PLCL1: variants seen among roughly 807,000 people sequenced by gnomAD.
PLCL1 encodes inactive phospholipase C-like protein 1.
In PLCL1, 41 loss-of-function variants were observed where a neutral mutation model predicts 84.4. That is an observed-to-expected ratio of 0.49 (90% confidence interval 0.38 to 0.63). The LOEUF is 0.63. Among genes scored for constraint, PLCL1 ranks in the 30% least tolerant of loss-of-function variants. PLCL1 has a pLI of 0.00. For synonymous variants in PLCL1, 490 were observed against 488.3 expected (o/e 1.00, Z -0.05); for missense variants, 1,206 against 1,367.8 (o/e 0.88, Z 1.87).
intron 5 of PLCL1, among the ~76,000 whole-genome samples, chr2:198,108,616 T>A (rs1693545615): frequency 6.6e-6 from 1 of 151,698 alleles, no homozygotes; most frequent in Non-Finnish European, 1.5e-5. Context: ...GAGAAAAAAA[T>A]TGCAGAAAGA....
intron 1 of PLCL1, among the ~76,000 whole-genome samples, chr2:198,004,528 G>A (rs1179691111): frequency 2.0e-5 from 3 of 152,074 alleles, no homozygotes; most frequent in Non-Finnish European, 4.4e-5. Context: ...TCCAAGTCAA[G>A]TTCGTGATGT....
intron 1 of PLCL1, among the ~76,000 whole-genome samples, chr2:197,996,971 G>A (rs973105622): frequency 6.6e-6 from 1 of 152,192 alleles, no homozygotes; most frequent in African/African-American, 2.4e-5. Flanking sequence ...GCTTGGACAA[G>A]TGTTGAGGGT....
intron 1 of PLCL1, among the ~76,000 whole-genome samples, chr2:198,061,322 C>T (rs1692194597): frequency 6.6e-6 from 1 of 152,102 alleles, no homozygotes; most frequent in Non-Finnish European, 1.5e-5. Flanking sequence ...TCTATTGTTT[C>T]TTGAACACTA....
At chr2:197,982,448 C>G (rs905931463) in intron 1 of PLCL1, among the ~76,000 whole-genome samples, 4 of 152,076 alleles carry the variant, frequency 2.6e-5, no homozygotes, top group Non-Finnish European at 5.9e-5. Flanking sequence ...CCTCCTCATG[C>G]TTTCTAAGAA....
intron 1 of PLCL1, among the ~76,000 whole-genome samples, chr2:197,821,535 C>A (rs1350907319): frequency 1.3e-5 from 2 of 152,074 alleles, no homozygotes; most frequent in African/African-American, 4.8e-5. Context: ...TCTTTTTGGG[C>A]CACCCCTTAA....
chr2:198,113,822 C>A (rs1393194051), intron 5 of PLCL1, among the ~76,000 whole-genome samples: 2 of 151,808 alleles, frequency 1.3e-5, no homozygotes, highest in African/African-American at 4.8e-5. Context: ...GTTATTATAT[C>A]AAATCTGGCC....
At chr2:198,094,800 G>T (rs1230770954) in intron 3 of PLCL1, among the ~76,000 whole-genome samples, 1 of 152,098 alleles carries the variant, frequency 6.6e-6, no homozygotes, top group African/African-American at 2.4e-5. Context: ...TCAAAGAATT[G>T]CAATTTGCTT....
intron 1 of PLCL1, among the ~76,000 whole-genome samples, chr2:198,036,060 T>C (rs1459624684): frequency 6.6e-6 from 1 of 152,306 alleles, no homozygotes; most frequent in East Asian, 1.9e-4. Context: ...GTATGTAGTA[T>C]GATTGATTGA....
chr2:197,850,031 G>GAC (rs5837563), intron 1 of PLCL1, among the ~76,000 whole-genome samples: 9,747 of 134,916 alleles, frequency 0.072, 337 homozygotes, highest in Admixed American at 0.092. Context: ...GACACACACA[G>GAC]ACACACACAC....
chr2:198,063,112 T>G (rs1403623911), intron 1 of PLCL1, among the ~76,000 whole-genome samples: 1 of 152,174 alleles, frequency 6.6e-6, no homozygotes, highest in Non-Finnish European at 1.5e-5. Context: ...TAGCTGGAAA[T>G]TTTTTAGTAT....
At chr2:198,004,050 T>A (rs923625288) in intron 1 of PLCL1, among the ~76,000 whole-genome samples, 1 of 152,224 alleles carries the variant, frequency 6.6e-6, no homozygotes, top group Admixed American at 6.5e-5. Flanking sequence ...AATTAAAAAC[T>A]GAAAGTAAAC....
intron 1 of PLCL1, among the ~76,000 whole-genome samples, chr2:198,004,805 C>T (rs78916759): frequency 0.023 from 3,469 of 152,164 alleles, 134 homozygotes; most frequent in African/African-American, 0.079. Flanking sequence ...TCAGGATAAA[C>T]GCCTCCTGCA....
intron 1 of PLCL1, among the ~76,000 whole-genome samples, chr2:198,043,673 G>T (rs1333781901): frequency 6.6e-6 from 1 of 152,276 alleles, no homozygotes. Flanking sequence ...AGAGGGAGGA[G>T]AAATCTAGTG....
chr2:197,867,316 C>T (rs1049276358), intron 1 of PLCL1, among the ~76,000 whole-genome samples: 20 of 152,008 alleles, frequency 1.3e-4, no homozygotes, highest in Non-Finnish European at 1.2e-4. Flanking sequence ...GATTAATGGG[C>T]TACTGTGCTG....
intron 1 of PLCL1, among the ~76,000 whole-genome samples, chr2:198,053,317 G>A (rs1296298657): frequency 6.6e-6 from 1 of 152,182 alleles, no homozygotes; most frequent in African/African-American, 2.4e-5. Flanking sequence ...TTCCCAGCTG[G>A]GTTTAGCCAA....
chr2:197,888,107 A>C (rs1687954045), intron 1 of PLCL1, among the ~76,000 whole-genome samples: 1 of 151,882 alleles, frequency 6.6e-6, no homozygotes. Context: ...AAAAGGAAAA[A>C]ATCTTATTTT....
chr2:197,896,525 T>C (rs1387570498), intron 1 of PLCL1, among the ~76,000 whole-genome samples: 1 of 152,016 alleles, frequency 6.6e-6, no homozygotes, highest in Non-Finnish European at 1.5e-5. Context: ...AGCATATGAC[T>C]CTAAAAGATA....
chr2:198,060,355 G>A (rs1195022865), intron 1 of PLCL1, among the ~76,000 whole-genome samples: 3 of 152,192 alleles, frequency 2.0e-5, no homozygotes, highest in African/African-American at 7.2e-5. Context: ...GTGAGTTGAA[G>A]TTGTCTCTGT....
intron 1 of PLCL1, among the ~76,000 whole-genome samples, chr2:197,852,458 A>G (rs769399579): frequency 1.3e-5 from 2 of 152,330 alleles, no homozygotes; most frequent in Non-Finnish European, 2.9e-5. Context: ...TTAAAAAGAG[A>G]TAGGAAGCAC....
Sources: allele counts gnomAD v4.1 joint callset (sites outside exome capture counted in the v4.1 genomes callset), GRCh38; gene constraint gnomAD v4.1.1; transcripts MANE v1.5; gene names NCBI Gene and HGNC (gene_info 2026-07-23, HGNC 2026-07-21).